The following PCDHA2 variants were observed in gnomAD, a reference collection of about 807,000 sequenced individuals.
The protein encoded by PCDHA2 is protocadherin alpha 2.
A neutral mutation model predicts 66.0 loss-of-function variants in PCDHA2; 58 were observed. The ratio of observed to expected loss-of-function variants is 0.88; its 90% CI spans 0.71 to 1.09. The LOEUF is 1.09. Ranked by LOEUF, PCDHA2 falls within the 50% of genes least tolerant of loss-of-function variation. The pLI is 0.00. For synonymous variants in PCDHA2, 634 were observed against 554.0 expected, an observed-to-expected ratio of 1.14 and a Z score of -2.03; for missense variants, 1,267 against 1,242.3, an observed-to-expected ratio of 1.02 and a Z score of -0.30.
intron 1 of PCDHA2, among the ~76,000 whole-genome samples, chr5:140,891,620 C>T (rs1194351903): frequency 6.6e-6 from 1 of 152,122 alleles, no homozygotes; most frequent in African/African-American, 2.4e-5. Flanking sequence ...TTTATTTTAA[C>T]ACCTTTTGCT....
intron 1 of PCDHA2, among the ~76,000 whole-genome samples, chr5:140,978,316 A>AC (rs1370469532): frequency 5.4e-4 from 83 of 152,358 alleles, no homozygotes; most frequent in African/African-American, 1.9e-3. Context: ...AGGAGCAGGA[A>AC]CAAGTACAAG....
At chr5:140,942,731 T>C (rs1404765148) in intron 1 of PCDHA2, among the ~76,000 whole-genome samples, 4 of 152,052 alleles carry the variant, frequency 2.6e-5, no homozygotes, top group Non-Finnish European at 5.9e-5. Flanking sequence ...TGTTGAAAAA[T>C]ATTTTAAAAT....
chr5:140,833,788 C>T (rs1397261820), intron 1 of PCDHA2, among the ~76,000 whole-genome samples: 1 of 152,046 alleles, frequency 6.6e-6, no homozygotes, highest in Non-Finnish European at 1.5e-5. Context: ...GTTTCTCTTT[C>T]ATCAATCAGT....
chr5:140,979,074 C>T, intron 2 of PCDHA2, 67 bp downstream of exon 2: 4 of 1,583,968 alleles, frequency 2.5e-6, no homozygotes, highest in Non-Finnish European at 2.6e-6. Context: ...TAAACTGCAT[C>T]TCCATAGGCC....
At chr5:140,867,200 A>G (rs1239575601) in intron 1 of PCDHA2, 1 of 152,126 alleles carries the variant, frequency 6.6e-6, no homozygotes, top group African/African-American at 2.4e-5. Context: ...TCCACATTCC[A>G]TGTAACATCT....
intron 1 of PCDHA2, chr5:140,808,863 A>T: frequency 6.2e-7 from 1 of 1,613,090 alleles, no homozygotes; most frequent in Non-Finnish European, 8.5e-7. Context: ...CTGGACGAAA[A>T]CGACAACGCG....
At chr5:140,834,097 A>C (rs905857703) in intron 1 of PCDHA2, among the ~76,000 whole-genome samples, 1 of 152,208 alleles carries the variant, frequency 6.6e-6, no homozygotes, top group Non-Finnish European at 1.5e-5. Flanking sequence ...AACAATGAAG[A>C]AAAAAATTCA....
At chr5:140,973,586 C>T (rs1207651483) in intron 1 of PCDHA2, among the ~76,000 whole-genome samples, 2 of 152,176 alleles carry the variant, frequency 1.3e-5, no homozygotes, top group African/African-American at 4.8e-5. Context: ...GACTGCTGAG[C>T]CAGATGGAAT....
intron 1 of PCDHA2, chr5:140,870,456 G>T (rs782212198): frequency 6.2e-7 from 1 of 1,614,230 alleles, no homozygotes. Context: ...ACGACAATGC[G>T]CCTGCGTTCG....
In PCDHA2 at chr5:140,857,461, C is replaced by T. The variant is rs1554150068; in HGVS notation, c.2388+60109C>T. 9 of 1,598,524 alleles carry T rather than the reference C, an allele frequency of 5.6e-6. 1 individual carries two copies. Among genetic ancestry groups the T allele is most frequent in the Non-Finnish European group, 7.7e-6 (9 of 1,167,928 alleles). On this transcript the variant is annotated intron_variant, in intron 1 of 3. Transcript: ENST00000526136. ...TGAAGGAGAACAACCCGCCAGGCTG[C>T]CACATCTTCACGGTGTCTGCGTGGG...
intron 1 of PCDHA2, among the ~76,000 whole-genome samples, chr5:140,965,769 A>G (rs571022357): frequency 2.0e-5 from 3 of 152,376 alleles, no homozygotes; most frequent in Admixed American, 2.0e-4. Flanking sequence ...GTCAAATAAT[A>G]GATTTGCCTA....
intron 1 of PCDHA2, among the ~76,000 whole-genome samples, chr5:140,894,577 T>A (rs1409232453): frequency 4.6e-5 from 7 of 152,030 alleles, no homozygotes; most frequent in African/African-American, 9.6e-5. Flanking sequence ...TCCTTTTTTT[T>A]AATATTTTAC....
At chr5:140,947,524 A>G (rs894259499) in intron 1 of PCDHA2, among the ~76,000 whole-genome samples, 1 of 151,796 alleles carries the variant, frequency 6.6e-6, no homozygotes, top group Admixed American at 6.6e-5. Flanking sequence ...TTTAGAATCA[A>G]CTTTTCAATT....
chr5:140,975,139 C>G (rs2096655397), intron 1 of PCDHA2, among the ~76,000 whole-genome samples: 1 of 152,154 alleles, frequency 6.6e-6, no homozygotes, highest in Non-Finnish European at 1.5e-5. Flanking sequence ...GGCCTGGGGT[C>G]ACTCTCAGTT....
intron 1 of PCDHA2, chr5:140,805,057 C>T (rs782144476): frequency 4.4e-6 from 7 of 1,591,916 alleles, no homozygotes; most frequent in East Asian, 4.5e-5. Context: ...CTTGTCTTCC[C>T]AGATATGGAA....
At chr5:140,971,487 C>T (rs1285006281) in intron 1 of PCDHA2, among the ~76,000 whole-genome samples, 1 of 152,110 alleles carries the variant, frequency 6.6e-6, no homozygotes, top group African/African-American at 2.4e-5. Flanking sequence ...CACATTGTTA[C>T]AGTGTGGCAA....
At chr5:140,928,453 T>C in intron 1 of PCDHA2, 1 of 1,613,888 alleles carries the variant, frequency 6.2e-7, no homozygotes, top group Non-Finnish European at 8.5e-7. Context: ...GCTCAGGGGG[T>C]TTCATTTCCA....
intron 1 of PCDHA2, chr5:140,860,060 G>A (rs1238594068): frequency 2.0e-5 from 3 of 151,870 alleles, no homozygotes; most frequent in Admixed American, 6.6e-5. Context: ...AGGCCAAGGT[G>A]GGAGGATGGT....
intron 1 of PCDHA2, chr5:140,876,942 G>C (rs370156477): frequency 6.2e-7 from 1 of 1,613,660 alleles, no homozygotes; most frequent in South Asian, 1.1e-5. Flanking sequence ...ACGCGCTGGT[G>C]TCCTACTCGC....
Sources: gnomAD v4.1 joint callset for allele counts (sites outside exome capture counted in the v4.1 genomes callset) on GRCh38, gnomAD v4.1.1 for gene constraint, MANE v1.5 for transcripts, NCBI Gene and HGNC (gene_info 2026-07-23, HGNC 2026-07-21) for gene names.